TBC1D30: variants seen among roughly 807,000 people sequenced by gnomAD.
TBC1D30 encodes the protein TBC1 domain family, member 30.
In TBC1D30, 31 loss-of-function variants were observed where a neutral mutation model predicts 63.2. That is an observed-to-expected ratio of 0.49 (90% CI 0.37 to 0.66). The LOEUF (loss-of-function observed/expected upper bound fraction) is 0.66, where lower values mean the gene tolerates loss of function less well. Ranked by LOEUF, TBC1D30 falls within the 30% of genes least tolerant of loss-of-function variation. TBC1D30 has a pLI of 0.00. For missense variants in TBC1D30, 810 were observed against 953.6 expected (o/e 0.85, Z 1.98); for synonymous variants, 307 against 361.5 (o/e 0.85, Z 1.71).
In TBC1D30 at chr12:64,832,269, G is replaced by A. The variant is rs929428022; in HGVS notation, c.559G>A (p.Glu187Lys). Reference sequence around the variant, plus strand: ...TAACATCCTGGCTGCACTAATTCTGGAAGTGATGGAAGGCAATGAAGGGGA... The same window carrying A: ...TAACATCCTGGCTGCACTAATTCTGAAAGTGATGGAAGGCAATGAAGGGGA... ...GFNILAALIL[E>K]VMEGNEGDAL... is the part of the protein sequence containing the mutation. The change falls in exon 5 of 12, where the codon GAA becomes AAA. Residue 187 changes from glutamate (E) to lysine (K), a missense_variant. Glu to Lys is a moderately conservative substitution (Grantham distance 56). Around this residue, in one of 4 missense-constraint regions of TBC1D30, gnomAD observed 272 missense variants for 335.9 expected, o/e 0.81. Transcript: ENST00000539867. The A allele has an allele frequency of 2.0e-6, 3 of 1,536,118 alleles. No individual in the cohort carries two copies. Among genetic ancestry groups the A allele is most frequent in the East Asian group, 2.4e-5 (1 of 40,912 alleles).
rs769844633 is a variant in TBC1D30 at position 64,880,769 on chromosome 12, C to T, written c.*4981C>T. 3.3e-5 allele frequency: 5 copies of T among 152,182 alleles called. No homozygotes were observed. The highest frequency in any genetic ancestry group is 4.8e-5 in the African/African-American group (2 of 41,444). 9.4% of individuals were successfully genotyped at this position (152,182 alleles called of 1,614,324 possible). ...TATCTAGCTACACCAACCTGTGCCCCAGGGGCTTCAAGAGTTGTTGTTGTT... is the reference window on the plus strand; with the variant it reads ...TATCTAGCTACACCAACCTGTGCCCTAGGGGCTTCAAGAGTTGTTGTTGTT... On this transcript the variant is annotated 3_prime_UTR_variant, in exon 12 of 12. Coordinates refer to ENST00000539867, the MANE Select transcript of TBC1D30 (RefSeq NM_015279.2).
intron 2 of TBC1D30, among the ~76,000 whole-genome samples, chr12:64,810,996 C>G (rs1417381384): frequency 6.6e-6 from 1 of 152,212 alleles, no homozygotes; most frequent in African/African-American, 2.4e-5. Flanking sequence ...TCTGACTCAC[C>G]TGGATGGCAT....
chr12:64,852,648 A>G (rs1175100149), intron 8 of TBC1D30, among the ~76,000 whole-genome samples: 2 of 151,956 alleles, frequency 1.3e-5, no homozygotes, highest in African/African-American at 2.4e-5. Context: ...CTTTGATGTC[A>G]GTGACCTTCG....
chr12:64,807,996 C>T (rs1482449006), intron 2 of TBC1D30, among the ~76,000 whole-genome samples: 1 of 138,206 alleles, frequency 7.2e-6, no homozygotes, highest in East Asian at 2.4e-4. Context: ...CTCAAGTGAT[C>T]CCCTCACCTC....
At chr12:64,825,227 G>A (rs1874209610) in intron 1 of TBC1D30, among the ~76,000 whole-genome samples, 194 bp downstream of exon 1, 1 of 152,206 alleles carries the variant, frequency 6.6e-6, no homozygotes, top group South Asian at 2.1e-4. Context: ...GGGCCTGGGT[G>A]GGGCAGCGGC....
intron 2 of TBC1D30, 64 bp downstream of exon 2, chr12:64,827,960 C>A: frequency 1.8e-6 from 2 of 1,091,272 alleles, no homozygotes; most frequent in South Asian, 1.5e-5. Flanking sequence ...GAGATATATT[C>A]TCAAAGTGGA....
chr12:64,797,086 A>G (rs1458629244), intron 2 of TBC1D30, among the ~76,000 whole-genome samples: 4 of 146,834 alleles, frequency 2.7e-5, no homozygotes, highest in Admixed American at 1.4e-4. Flanking sequence ...TTTGCTGCAT[A>G]TTGGAATCAC....
chr12:64,867,408 C>T (rs993643055), intron 10 of TBC1D30, among the ~76,000 whole-genome samples: 3 of 150,930 alleles, frequency 2.0e-5, no homozygotes, highest in Admixed American at 6.6e-5. Flanking sequence ...TGCAGTGAGC[C>T]GAGATCATGC....
intron 10 of TBC1D30, chr12:64,868,602 A>G: frequency 3.1e-6 from 1 of 318,520 alleles, no homozygotes; most frequent in Non-Finnish European, 5.9e-6. Context: ...CTTCTTTCTC[A>G]GGTGCTTGAT....
At chr12:64,843,848 G>C (rs1450486923) in intron 8 of TBC1D30, among the ~76,000 whole-genome samples, 1 of 152,214 alleles carries the variant, frequency 6.6e-6, no homozygotes, top group Non-Finnish European at 1.5e-5. Flanking sequence ...CTGGAGTGCA[G>C]TGGCACAATC....
chr12:64,846,329 T>C (rs1319519471), intron 8 of TBC1D30, among the ~76,000 whole-genome samples: 1 of 152,018 alleles, frequency 6.6e-6, no homozygotes, highest in Non-Finnish European at 1.5e-5. Flanking sequence ...GTTTCATAGT[T>C]TGAGGTCTTA....
At chr12:64,848,260 A>G (rs1228744858) in intron 8 of TBC1D30, among the ~76,000 whole-genome samples, 1 of 149,864 alleles carries the variant, frequency 6.7e-6, no homozygotes, top group South Asian at 2.1e-4. Context: ...CTTCATTTTC[A>G]GTCTATGTGT....
rs1262251555 is a variant in TBC1D30 at position 64,878,546 on chromosome 12, G to C, written c.*2758G>C. Reference sequence around the variant, plus strand: ...CAGCCTGTGGACTGCAGCTGTTTGGGACATTGTATTCCTTTGTTTGTCTCT... The same window carrying C: ...CAGCCTGTGGACTGCAGCTGTTTGGCACATTGTATTCCTTTGTTTGTCTCT... On this transcript the variant is annotated 3_prime_UTR_variant, in exon 12 of 12. Transcript: ENST00000539867. The C allele has an allele frequency of 2.2e-6, 1 of 456,544 alleles. No homozygotes were observed. The allele number at this position is 456,544 out of a possible 1,614,324, so 28.3% of individuals were successfully genotyped here. A position where few individuals can be genotyped will look rare whatever the true frequency, so the allele number is the denominator to read the frequency against.
rs1226568000 is a variant in TBC1D30, at chr12:64,843,512, G to C, written c.1038+27G>C. 2 of 1,525,578 alleles carry C rather than the reference G, an allele frequency of 1.3e-6. 1 individual carries two copies. 94.5% of individuals were successfully genotyped at this position (1,525,578 alleles called of 1,614,324 possible). The stretch of plus-strand genomic sequence containing the variant: ...TGAGTCGGCAACATGGAGCAGCTTG[G>C]CTCGGGGAACCCCGGGCACGGTGGG... On this transcript the variant is annotated intron_variant, in intron 8 of 11. Transcript: ENST00000539867.
At chr12:64,781,210 C>G in exon 1 of TBC1D30, 3 of 1,120,422 alleles carry the variant, frequency 2.7e-6, no homozygotes, top group South Asian at 1.8e-5. Context: ...GCAGCGGTGC[C>G]GGCGACTCCC....
chr12:64,869,581 G>A (rs888051805), intron 10 of TBC1D30, among the ~76,000 whole-genome samples: 1 of 151,982 alleles, frequency 6.6e-6, no homozygotes, highest in Non-Finnish European at 1.5e-5. Flanking sequence ...TAATGGTAAA[G>A]TTTTTGAATC....
chr12:64,855,505 CT>C (rs1877225447), intron 8 of TBC1D30, among the ~76,000 whole-genome samples: 2 of 152,196 alleles, frequency 1.3e-5, no homozygotes, highest in East Asian at 3.9e-4. Context: ...CATAGGCATA[CT>C]TCATTATTTT....
At chr12:64,874,584 A>G (rs1300753090) in intron 11 of TBC1D30, among the ~76,000 whole-genome samples, 1 of 152,114 alleles carries the variant, frequency 6.6e-6, no homozygotes, top group Non-Finnish European at 1.5e-5. Flanking sequence ...CCTACCTCTC[A>G]GAGGCTGACA....
chr12:64,813,907 GACA>G (rs1873367682), intron 2 of TBC1D30, among the ~76,000 whole-genome samples: 1 of 152,130 alleles, frequency 6.6e-6, no homozygotes, highest in Non-Finnish European at 1.5e-5. Context: ...AGGAGAGAGA[GACA>G]ACAATGAGTA....
Sources: gnomAD v4.1 joint callset for allele counts (sites outside exome capture counted in the v4.1 genomes callset) on GRCh38, gnomAD v4.1.1 for gene constraint, gnomAD v4.1.1 regional missense constraint, MANE v1.5 for transcripts, NCBI Gene and HGNC (gene_info 2026-07-23, HGNC 2026-07-21) for gene names.